The following CNBD1 variants were observed in gnomAD, a reference collection of about 807,000 sequenced individuals.
CNBD1 encodes the protein cyclic nucleotide binding domain containing 1.
In CNBD1, 71 loss-of-function variants were observed where a neutral mutation model predicts 54.4. That is an observed-to-expected ratio of 1.30 (90% CI 1.08 to 1.59). CNBD1 has a LOEUF of 1.59. CNBD1 is among the 40% of genes most tolerant of loss of function. CNBD1 has a pLI of 0.00. For missense variants in CNBD1, 659 were observed against 518.0 expected, an observed-to-expected ratio of 1.27 and a Z score of -2.64; for synonymous variants, 182 against 170.7, an observed-to-expected ratio of 1.07 and a Z score of -0.51.
chr8:87,207,753 C>T (rs1022445047), intron 5 of CNBD1, among the ~76,000 whole-genome samples: 3 of 152,152 alleles, frequency 2.0e-5, no homozygotes, highest in Admixed American at 2.0e-4. Context: ...CCTTAACTCA[C>T]GTGATTGACG....
At chr8:87,064,943 C>T (rs1810618831) in intron 4 of CNBD1, among the ~76,000 whole-genome samples, 1 of 151,824 alleles carries the variant, frequency 6.6e-6, no homozygotes, top group South Asian at 2.1e-4. Flanking sequence ...TCAACTTATC[C>T]CCTGTGTCTC....
At chr8:87,237,829 A>G (rs1017810172) in intron 6 of CNBD1, among the ~76,000 whole-genome samples, 3 of 152,156 alleles carry the variant, frequency 2.0e-5, no homozygotes, top group Non-Finnish European at 2.9e-5. Context: ...ATTCAAGAGA[A>G]ATAAGCATGG....
chr8:87,358,172 G>A (rs996452513), intron 10 of CNBD1, among the ~76,000 whole-genome samples: 4 of 152,090 alleles, frequency 2.6e-5, no homozygotes, highest in Non-Finnish European at 5.9e-5. Flanking sequence ...AGATTACCCA[G>A]CCTTGGGTAT....
chr8:86,898,539 T>C lies in CNBD1; in HGVS notation c.159-6542T>C, dbSNP rs561479252. 3.3e-5 allele frequency among the ~76,000 whole-genome samples: 5 copies of C among 152,252 alleles called. No individual in the cohort carries two copies. In the South Asian group the frequency reaches 1.0e-3, roughly 32 times the overall value. ...CCCACACAAATATGTCAACTGATCT[T>C]TAACAAAGGAGCAAGCCAATTGAAT... On this transcript the variant is annotated intron_variant, in intron 2 of 10. Transcript: ENST00000518476.
rs58151279 is a variant in CNBD1, at chr8:87,205,974, A to AT, written c.432-4dup. 0.15 allele frequency: 171,715 copies of AT among 1,183,546 alleles called. 1,254 individuals carry two copies. Among genetic ancestry groups the AT allele is most frequent in the African/African-American group, 0.25 (15,356 of 62,022 alleles). The allele number at this position is 1,183,546 out of a possible 1,614,324, so 73.3% of individuals were successfully genotyped here. On this transcript the variant is annotated intron_variant, in intron 4 of 10. Transcript: ENST00000518476. Reference sequence around the variant, plus strand: ...TTTATGCCATGGTCTCTGAATTTGTATTTTTTTTTTTTTTTGAGGCCCATT... The same window carrying AT: ...TTTATGCCATGGTCTCTGAATTTGTATTTTTTTTTTTTTTTTGAGGCCCATT...
At chr8:86,985,133 T>A (rs1808578712) in intron 4 of CNBD1, among the ~76,000 whole-genome samples, 1 of 152,118 alleles carries the variant, frequency 6.6e-6, no homozygotes, top group Admixed American at 6.6e-5. Flanking sequence ...AAAGGAGATT[T>A]TCCCTTCCCA....
intron 8 of CNBD1, among the ~76,000 whole-genome samples, chr8:87,324,452 A>T (rs1375767134): frequency 6.8e-6 from 1 of 146,430 alleles, no homozygotes; most frequent in East Asian, 2.0e-4. Flanking sequence ...TTTGGTTGGT[A>T]AACTATTGAT....
At chr8:86,962,849 C>CTGGCAAG (rs1807967143) in intron 4 of CNBD1, among the ~76,000 whole-genome samples, 1 of 152,008 alleles carries the variant, frequency 6.6e-6, no homozygotes, top group Non-Finnish European at 1.5e-5. Context: ...AGAACCTTTA[C>CTGGCAAG]CCTTTTGCTG....
intron 3 of CNBD1, among the ~76,000 whole-genome samples, chr8:86,908,346 A>C (rs950843111): frequency 6.6e-6 from 1 of 152,234 alleles, no homozygotes; most frequent in African/African-American, 2.4e-5. Flanking sequence ...AGGAAATCAA[A>C]TAGAAAAGAA....
At chr8:87,381,156 C>A (rs909832980) in intron 10 of CNBD1, among the ~76,000 whole-genome samples, 1 of 151,898 alleles carries the variant, frequency 6.6e-6, no homozygotes, top group African/African-American at 2.4e-5. Context: ...GATTAATCTC[C>A]AAAATATATA....
At chr8:86,907,829 C>T (rs1044454373) in intron 3 of CNBD1, among the ~76,000 whole-genome samples, 27 of 152,096 alleles carry the variant, frequency 1.8e-4, no homozygotes, top group African/African-American at 5.8e-4. Flanking sequence ...GATTGAAACT[C>T]AGCTTATGTA....
chr8:87,229,749 C>G (rs1384924666), intron 5 of CNBD1, among the ~76,000 whole-genome samples: 1 of 151,776 alleles, frequency 6.6e-6, no homozygotes, highest in African/African-American at 2.4e-5. Context: ...AGAAGTCAAC[C>G]AAAATTTCGT....
chr8:87,014,533 T>C (rs1183869063), intron 4 of CNBD1, among the ~76,000 whole-genome samples: 1 of 152,074 alleles, frequency 6.6e-6, no homozygotes, highest in Non-Finnish European at 1.5e-5. Flanking sequence ...AAAGGGTTTA[T>C]AGAAAAATAT....
intron 6 of CNBD1, among the ~76,000 whole-genome samples, chr8:87,281,653 A>C: frequency 6.9e-6 from 1 of 145,594 alleles, no homozygotes; most frequent in Non-Finnish European, 1.5e-5. Flanking sequence ...ATTCCTTAAA[A>C]TGTATTTATT....
intron 6 of CNBD1, among the ~76,000 whole-genome samples, chr8:87,269,464 T>C (rs1462001709): frequency 6.6e-6 from 1 of 152,112 alleles, no homozygotes; most frequent in Non-Finnish European, 1.5e-5. Context: ...GAAAAAATGA[T>C]GTTGGTAGTT....
At chr8:87,311,830 C>G (rs999648262) in intron 8 of CNBD1, among the ~76,000 whole-genome samples, 6 of 152,006 alleles carry the variant, frequency 3.9e-5, no homozygotes, top group African/African-American at 1.2e-4. Context: ...TTAACCTATG[C>G]AAATTAACAC....
At chr8:87,168,698 C>G (rs1423869084) in intron 4 of CNBD1, among the ~76,000 whole-genome samples, 1 of 151,962 alleles carries the variant, frequency 6.6e-6, no homozygotes, top group African/African-American at 2.4e-5. Context: ...TCTTTCTGTG[C>G]CTCCCTTATT....
chr8:87,374,645 T>C (rs1048721409), intron 10 of CNBD1, among the ~76,000 whole-genome samples: 4 of 151,806 alleles, frequency 2.6e-5, no homozygotes, highest in Non-Finnish European at 5.9e-5. Context: ...GCCATGTAAC[T>C]GGCTCTGGTT....
intron 2 of CNBD1, among the ~76,000 whole-genome samples, chr8:87,412,807 A>AGG (rs146657559): frequency 0.052 from 7,919 of 152,094 alleles, 637 homozygotes; most frequent in African/African-American, 0.18. Context: ...AGGAGAAAAG[A>AGG]GGGAGGTAGG....
Sources: allele counts gnomAD v4.1 joint callset (sites outside exome capture counted in the v4.1 genomes callset), GRCh38; gene constraint gnomAD v4.1.1; transcripts MANE v1.5; gene names NCBI Gene and HGNC (gene_info 2026-07-23, HGNC 2026-07-21).